Variants in CBFA2T3 observed in about 807,000 individuals in gnomAD.
The protein encoded by CBFA2T3 is CBFA2/RUNX1 partner transcriptional co-repressor 3.
A neutral mutation model predicts 58.6 loss-of-function variants in CBFA2T3; 31 were observed. That is an observed-to-expected ratio of 0.53 (90% confidence interval 0.40 to 0.71). The LOEUF is 0.71. Among genes scored for constraint, CBFA2T3 ranks in the 30% least tolerant of loss-of-function variants. The pLI is 0.00. For synonymous variants in CBFA2T3, 531 were observed against 421.9 expected (o/e 1.26, Z -3.17); for missense variants, 1,076 against 963.1 (o/e 1.12, Z -1.55).
At chr16:88,968,370 C>A (rs1040445343) in intron 1 of CBFA2T3, among the ~76,000 whole-genome samples, 4 of 152,232 alleles carry the variant, frequency 2.6e-5, no homozygotes, top group African/African-American at 4.8e-5. Context: ...CAGGTGGGGA[C>A]GGCCCCTTGC....
chr16:88,887,649 A>G (rs1488833004), intron 5 of CBFA2T3, among the ~76,000 whole-genome samples: 1 of 152,094 alleles, frequency 6.6e-6, no homozygotes, highest in Non-Finnish European at 1.5e-5. Flanking sequence ...GGCCTGCGGA[A>G]TGGGGTGGGG....
chr16:88,975,397 C>T (rs1445949658), intron 1 of CBFA2T3, among the ~76,000 whole-genome samples: 4 of 152,238 alleles, frequency 2.6e-5, no homozygotes, highest in African/African-American at 7.2e-5. Context: ...GCTCTCCATG[C>T]GCCTCAGAGC....
intron 1 of CBFA2T3, among the ~76,000 whole-genome samples, chr16:88,922,642 C>T (rs573427200): frequency 1.1e-4 from 17 of 152,318 alleles, no homozygotes; most frequent in South Asian, 1.0e-3. Context: ...CACCAATGCC[C>T]GGGACAGCAG....
At chr16:88,928,663 C>T (rs941998599) in intron 1 of CBFA2T3, among the ~76,000 whole-genome samples, 5 of 152,238 alleles carry the variant, frequency 3.3e-5, no homozygotes, top group Non-Finnish European at 7.3e-5. Flanking sequence ...TACTGAGCGC[C>T]TCGTGTGTCA....
chr16:88,925,594 A>G (rs1351115960), intron 1 of CBFA2T3, among the ~76,000 whole-genome samples: 2 of 152,178 alleles, frequency 1.3e-5, no homozygotes, highest in Admixed American at 6.5e-5. Context: ...ACAGGCTCAG[A>G]GAGGCTCCAG....
chr16:88,905,513 C>T (rs942031592), intron 1 of CBFA2T3, among the ~76,000 whole-genome samples: 48 of 151,844 alleles, frequency 3.2e-4, no homozygotes, highest in African/African-American at 1.1e-3. Context: ...TTGACTGGGC[C>T]CCCCAGGATG....
At chr16:88,975,306 C>T (rs1972826897) in intron 1 of CBFA2T3, among the ~76,000 whole-genome samples, 1 of 146,450 alleles carries the variant, frequency 6.8e-6, no homozygotes, top group African/African-American at 2.5e-5. Context: ...AGGCACGGGG[C>T]CACCTCTTGG....
intron 1 of CBFA2T3, among the ~76,000 whole-genome samples, chr16:88,972,111 T>C (rs1972670359): frequency 6.6e-6 from 1 of 151,796 alleles, no homozygotes; most frequent in Non-Finnish European, 1.5e-5. Flanking sequence ...CAGGAGGACA[T>C]GGCTGGTTGC....
chr16:88,942,963 T>C (rs1280744280), intron 1 of CBFA2T3, among the ~76,000 whole-genome samples: 1 of 152,210 alleles, frequency 6.6e-6, no homozygotes, highest in Non-Finnish European at 1.5e-5. Context: ...GGTGGGTGTG[T>C]TGCCTAAGGT....
At chr16:88,886,170 T>A in intron 5 of CBFA2T3, 28 bp from the exon 6 acceptor site, 1 of 1,495,202 alleles carries the variant, frequency 6.7e-7, no homozygotes, top group Non-Finnish European at 8.9e-7. Context: ...AGGGCCTGGG[T>A]AGCATGCAGG....
intron 1 of CBFA2T3, among the ~76,000 whole-genome samples, chr16:88,914,378 G>A (rs1970623706): frequency 6.6e-6 from 1 of 152,224 alleles, no homozygotes; most frequent in African/African-American, 2.4e-5. Context: ...ACACTTCTGT[G>A]TGCAGTGCTG....
intron 2 of CBFA2T3, among the ~76,000 whole-genome samples, chr16:88,899,151 G>C (rs778649808): frequency 6.8e-6 from 1 of 147,024 alleles, no homozygotes; most frequent in East Asian, 2.0e-4. Context: ...GAGAAACTTC[G>C]GCCCTCAAGT....
chr16:88,975,484 G>A (rs571838960), intron 1 of CBFA2T3, among the ~76,000 whole-genome samples: 30 of 152,360 alleles, frequency 2.0e-4, no homozygotes, highest in South Asian at 4.1e-4. Context: ...TGAGGAAACT[G>A]AGGCCCAGGG....
intron 1 of CBFA2T3, among the ~76,000 whole-genome samples, chr16:88,914,886 C>T (rs1269978333): frequency 1.3e-5 from 2 of 152,148 alleles, no homozygotes; most frequent in African/African-American, 2.4e-5. Flanking sequence ...ACATTCCTTG[C>T]CCAGCTGCTA....
At chr16:88,925,197 G>T (rs1367170709) in intron 1 of CBFA2T3, among the ~76,000 whole-genome samples, 1 of 152,224 alleles carries the variant, frequency 6.6e-6, no homozygotes, top group Non-Finnish European at 1.5e-5. Flanking sequence ...GCCCGGATTG[G>T]TCCTCTCCCA....
At chr16:88,968,976 A>G (rs545865255) in intron 1 of CBFA2T3, among the ~76,000 whole-genome samples, 1 of 152,240 alleles carries the variant, frequency 6.6e-6, no homozygotes, top group South Asian at 2.1e-4. Flanking sequence ...GGAGCCTAAG[A>G]TCTGCTCTCT....
chr16:88,954,892 T>TCCTGACCCCAGCCAAGGCTCCTGACCCC (rs1972179009), intron 1 of CBFA2T3, among the ~76,000 whole-genome samples: 1 of 1,930 alleles, frequency 5.2e-4, no homozygotes, highest in Non-Finnish European at 9.4e-4. Flanking sequence ...CTCCTGACCC[T>TCCTGACCCCAGCCAAGGCTCCTGACCCC]ACCCAAGGCT....
chr16:88,902,732 G>GA (rs1407296038), intron 1 of CBFA2T3, among the ~76,000 whole-genome samples: 1 of 152,230 alleles, frequency 6.6e-6, no homozygotes, highest in Non-Finnish European at 1.5e-5. Flanking sequence ...AAGCAAGGCA[G>GA]AAAGACCTGC....
In CBFA2T3 at chr16:88,885,652, C is replaced by T. The variant is rs997734486; in HGVS notation, c.893+309G>A. 2 of 449,880 alleles carry T rather than the reference C, an allele frequency of 4.4e-6. No homozygotes were observed. Among genetic ancestry groups the T allele is most frequent in the Admixed American group, 3.9e-5 (1 of 25,474 alleles). 27.9% of individuals were successfully genotyped at this position (449,880 alleles called of 1,614,324 possible). ...AGCAGAGGGGGCCCAGCCCAGGCAC[C>T]TGGGGACCATGGACCCCGGACGCTC... On this transcript the variant is annotated intron_variant, in intron 6 of 11. Transcript: ENST00000268679. The surrounding 1 kb of genome is among the most constrained non-coding windows in gnomAD (Gnocchi z 5.3).
Sources: allele counts gnomAD v4.1 joint callset (sites outside exome capture counted in the v4.1 genomes callset), GRCh38; gene constraint gnomAD v4.1.1; non-coding constraint Gnocchi (gnomAD v3.1); transcripts MANE v1.5; gene names NCBI Gene and HGNC (gene_info 2026-07-23, HGNC 2026-07-21).